The following CSMD3 variants were observed in gnomAD, a reference collection of about 807,000 sequenced individuals.
CSMD3 encodes the protein CUB and sushi domain-containing protein 3.
A neutral mutation model predicts 435.2 loss-of-function variants in CSMD3; 177 were observed. That is an observed-to-expected ratio of 0.41 (90% confidence interval 0.36 to 0.46). CSMD3 has a LOEUF of 0.46. Ranked by LOEUF, CSMD3 falls within the 20% of genes least tolerant of loss-of-function variation. The probability of loss-of-function intolerance (pLI) is 0.34; values close to 1 mark genes in which losing one functional copy is unlikely to be tolerated. For synonymous variants in CSMD3, 1,656 were observed against 1,520.5 expected (o/e 1.09, Z -2.07); for missense variants, 4,265 against 4,504.6 (o/e 0.95, Z 1.52).
At chr8:112,727,537 T>G (rs2076991515) in intron 13 of CSMD3, among the ~76,000 whole-genome samples, 1 of 151,822 alleles carries the variant, frequency 6.6e-6, no homozygotes, top group Non-Finnish European at 1.5e-5. Context: ...CTTAATGACT[T>G]CAGTTTAAAT....
chr8:112,588,729 C>T (rs1023007648), intron 22 of CSMD3, among the ~76,000 whole-genome samples: 2 of 152,068 alleles, frequency 1.3e-5, no homozygotes, highest in African/African-American at 4.8e-5. Context: ...CCAGTGTAGG[C>T]TTTTGAAGTT....
At chr8:112,807,334 T>G (rs1339946690) in intron 12 of CSMD3, among the ~76,000 whole-genome samples, 1 of 152,194 alleles carries the variant, frequency 6.6e-6, no homozygotes, top group Admixed American at 6.5e-5. Context: ...TAATATTTAC[T>G]GGTGGACATG....
chr8:112,926,352 C>T (rs917038065), intron 9 of CSMD3, among the ~76,000 whole-genome samples: 1 of 151,992 alleles, frequency 6.6e-6, no homozygotes, highest in African/African-American at 2.4e-5. Context: ...CACTGAAATT[C>T]ATCTGTCACC....
chr8:112,913,501 G>A lies in CSMD3; in HGVS notation c.1633+8126C>T, dbSNP rs557586440. ...AGGCTTAGAGGAGCACTCCTTTTTT[G>A]TATAGCTCTTAGCATAGAATTTACA... On this transcript the variant is annotated intron_variant, in intron 10 of 70. Coordinates refer to ENST00000297405, the MANE Select transcript of CSMD3 (RefSeq NM_198123.2). Among the ~76,000 whole-genome samples the A allele has an allele frequency of 1.4e-4, 21 of 151,852 alleles. No homozygotes were observed. In the South Asian group the frequency reaches 4.4e-3, roughly 32 times the overall value.
At chr8:112,627,081 G>T (rs977333687) in intron 22 of CSMD3, among the ~76,000 whole-genome samples, 1 of 151,920 alleles carries the variant, frequency 6.6e-6, no homozygotes, top group Non-Finnish European at 1.5e-5. Context: ...ATATATACTA[G>T]GGACAAGTAA....
At chr8:112,829,564 C>A (rs1739947753) in intron 12 of CSMD3, 122 bp downstream of exon 12, 1 of 713,402 alleles carries the variant, frequency 1.4e-6, no homozygotes, top group East Asian at 2.7e-5. Context: ...ACAATAATAA[C>A]TAAGTTACTG....
chr8:112,989,257 A>T (rs1481501545), intron 6 of CSMD3, among the ~76,000 whole-genome samples: 1 of 152,076 alleles, frequency 6.6e-6, no homozygotes, highest in Non-Finnish European at 1.5e-5. Flanking sequence ...TGGCACTTTT[A>T]CTCAGACTGT....
Position 113,098,911 on chromosome 8 carries a change from G to A in CSMD3, c.762C>T (p.Ser254=), listed in dbSNP as rs747985661. The A allele has an allele frequency of 1.9e-6, 3 of 1,612,458 alleles. No individual in the cohort carries two copies. The highest frequency in any genetic ancestry group is 2.2e-5 in the East Asian group (1 of 44,834). The change falls in exon 5 of 71, where the codon AGC becomes AGT. Residue 254 remains serine, a synonymous_variant. Coordinates refer to ENST00000297405, the MANE Select transcript of CSMD3 (RefSeq NM_198123.2). ...TMRGSSGIIS[S]PSFPNEYHNN... ...TATGGTACTCATTAGGAAAACTAGG[G>A]CTGGATATGATGCCACTGGATCCTC...
intron 12 of CSMD3, among the ~76,000 whole-genome samples, chr8:112,828,711 G>T (rs2079772825): frequency 6.6e-6 from 1 of 152,160 alleles, no homozygotes; most frequent in Non-Finnish European, 1.5e-5. Context: ...TGGCCCATTT[G>T]TCCATCACAC....
In CSMD3 at chr8:113,162,451, G is replaced by A. The variant is rs567048643; in HGVS notation, c.709+11271C>T. Among the ~76,000 whole-genome samples the A allele has an allele frequency of 2.6e-5, 4 of 151,678 alleles. No homozygotes were observed. The East Asian group carries it at 7.8e-4, about 30-fold the overall frequency. On this transcript the variant is annotated intron_variant, in intron 4 of 70. Transcript: ENST00000297405. Reference sequence around the variant, plus strand: ...ATGGTGGCAGGCACCTGTAATCCCAGCTACTTGTGAGGCTGAGGCAGGAGA... The same window carrying A: ...ATGGTGGCAGGCACCTGTAATCCCAACTACTTGTGAGGCTGAGGCAGGAGA...
At chr8:113,332,077 A>C (rs2094031967) in intron 1 of CSMD3, among the ~76,000 whole-genome samples, 2 of 151,790 alleles carry the variant, frequency 1.3e-5, no homozygotes, top group South Asian at 4.1e-4. Flanking sequence ...TAAATATTGC[A>C]ACAAAGTGAG....
At chr8:113,107,154 G>A (rs1461298738) in intron 4 of CSMD3, among the ~76,000 whole-genome samples, 2 of 152,186 alleles carry the variant, frequency 1.3e-5, no homozygotes, top group Admixed American at 1.3e-4. Flanking sequence ...CTACAGCAAA[G>A]AGCATCATGC....
rs192851591 is a variant in CSMD3 at position 112,917,021 on chromosome 8, T to A, written c.1633+4606A>T. On this transcript the variant is annotated intron_variant, in intron 10 of 70. Coordinates refer to ENST00000297405, the MANE Select transcript of CSMD3 (RefSeq NM_198123.2). ...CTTACGTTTGACCAGTAGTTGTCTATCATATAACCTGTACACCCATTTTTC... is the reference window on the plus strand; with the variant it reads ...CTTACGTTTGACCAGTAGTTGTCTAACATATAACCTGTACACCCATTTTTC... Among the ~76,000 whole-genome samples the A allele has an allele frequency of 1.1e-4, 17 of 152,012 alleles. No individual in the cohort carries two copies. In the East Asian group the frequency reaches 2.9e-3, roughly 26 times the overall value.
Position 112,289,539 on chromosome 8 carries a change from C to A in CSMD3, c.8975-1G>T. 1 of 1,596,978 alleles carries A rather than the reference C, an allele frequency of 6.3e-7. No homozygotes were observed. The highest frequency in any genetic ancestry group is 8.6e-7 in the Non-Finnish European group (1 of 1,167,554). ...ACGCCAGGGTGTCCACAGTCAATCA[C>A]TACAATACATAATTATTAAATATAA... On this transcript the variant is annotated splice_acceptor_variant, in intron 56 of 70. Transcript: ENST00000297405. LOFTEE classifies it high-confidence loss of function.
chr8:112,229,052 G>A (rs1397244071), intron 69 of CSMD3, among the ~76,000 whole-genome samples, 161 bp from the exon 70 acceptor site: 1 of 152,138 alleles, frequency 6.6e-6, no homozygotes, highest in African/African-American at 2.4e-5. Context: ...TTTCACATAT[G>A]TTTGCACAGT....
chr8:113,019,518 A>G (rs1412558980), intron 5 of CSMD3, among the ~76,000 whole-genome samples: 1 of 148,914 alleles, frequency 6.7e-6, no homozygotes, highest in African/African-American at 2.4e-5. Flanking sequence ...ATTTATTAAT[A>G]TGTTATATAT....
intron 6 of CSMD3, among the ~76,000 whole-genome samples, chr8:113,010,872 A>G (rs2086232473): frequency 6.6e-6 from 1 of 151,520 alleles, no homozygotes; most frequent in Non-Finnish European, 1.5e-5. Flanking sequence ...GATTAATCCA[A>G]CTCCCTAGAA....
intron 7 of CSMD3, among the ~76,000 whole-genome samples, chr8:112,955,177 C>A (rs993386954): frequency 2.6e-5 from 4 of 151,406 alleles, no homozygotes; most frequent in African/African-American, 7.3e-5. Flanking sequence ...AAATAAATTT[C>A]CTAAAAATTT....
chr8:112,927,291 C>T (rs932154188), intron 9 of CSMD3, among the ~76,000 whole-genome samples: 3 of 152,102 alleles, frequency 2.0e-5, no homozygotes, highest in East Asian at 1.9e-4. Context: ...AAGCTCTACA[C>T]TGTTAAAGGT....
Sources: allele counts gnomAD v4.1 joint callset (sites outside exome capture counted in the v4.1 genomes callset), GRCh38; gene constraint gnomAD v4.1.1; transcripts MANE v1.5; gene names NCBI Gene and HGNC (gene_info 2026-07-23, HGNC 2026-07-21).